Variants in SEMA3A observed in about 807,000 individuals in gnomAD.
SEMA3A encodes semaphorin-3A.
A neutral mutation model predicts 97.9 loss-of-function variants in SEMA3A; 29 were observed. The observed-to-expected ratio is 0.30, with a 90% CI of 0.22 to 0.40. The LOEUF (loss-of-function observed/expected upper bound fraction) is 0.40, where lower values mean the gene tolerates loss of function less well. Ranked by LOEUF, SEMA3A falls within the 10% of genes least tolerant of loss-of-function variation. The pLI, the probability that SEMA3A is intolerant of heterozygous loss-of-function variation, is 1.00. For missense variants in SEMA3A, 763 were observed against 951.3 expected (o/e 0.80, Z 2.60); for synonymous variants, 321 against 323.7 (o/e 0.99, Z 0.09).
At chr7:84,213,273 G>A (rs150513995) in intron 3 of SEMA3A, among the ~76,000 whole-genome samples, 10 of 152,120 alleles carry the variant, frequency 6.6e-5, no homozygotes, top group African/African-American at 1.9e-4. Flanking sequence ...CATGGTGCCC[G>A]GCCTGTTTCT....
intron 1 of SEMA3A, among the ~76,000 whole-genome samples, chr7:84,469,908 T>C (rs1178791608): frequency 6.6e-6 from 1 of 151,960 alleles, no homozygotes. Flanking sequence ...TCATGAAGAA[T>C]ATAAATGTTA....
At position 84,471,163 on chromosome 7, in the gene SEMA3A, G is replaced by A. The variant is rs147255226; in HGVS notation, c.-246+21297C>T. 5.1e-3 allele frequency among the ~76,000 whole-genome samples: 771 copies of A among 152,148 alleles called. 9 individuals are homozygous for A. The highest frequency in any genetic ancestry group is 4.6e-3 in the Non-Finnish European group (316 of 67,960). On this transcript the variant is annotated intron_variant, in intron 1 of 3. Transcript: ENST00000424555. ...ACTAAGTCATTTCCCCCCATCTTCT[G>A]TAATGTTTCTTTTCTGTCCTTGATC...
At chr7:84,201,518 G>A (rs1798357449) in intron 3 of SEMA3A, among the ~76,000 whole-genome samples, 1 of 152,000 alleles carries the variant, frequency 6.6e-6, no homozygotes, top group Admixed American at 6.6e-5. Flanking sequence ...GCCCCCCAAT[G>A]TGTAGAGTAG....
At chr7:83,985,395 C>A in intron 13 of SEMA3A, 41 bp downstream of exon 13, 1 of 1,441,174 alleles carries the variant, frequency 6.9e-7, no homozygotes, top group South Asian at 1.2e-5. Context: ...CCAGAATTAA[C>A]AAAATATTGG....
intron 4 of SEMA3A, among the ~76,000 whole-genome samples, chr7:84,065,606 G>T (rs1018208848): frequency 3.2e-4 from 48 of 150,652 alleles, no homozygotes; most frequent in Non-Finnish European, 5.8e-4. Flanking sequence ...TGATCCCACA[G>T]AAATACAAAC....
At chr7:84,145,304 T>C (rs1486821626) in intron 1 of SEMA3A, among the ~76,000 whole-genome samples, 6 of 152,162 alleles carry the variant, frequency 3.9e-5, no homozygotes, top group Admixed American at 1.3e-4. Flanking sequence ...AGAGTTAAAA[T>C]ATGCTGTCTT....
At chr7:84,035,094 T>C (rs1791893373) in intron 6 of SEMA3A, among the ~76,000 whole-genome samples, 1 of 152,024 alleles carries the variant, frequency 6.6e-6, no homozygotes, top group African/African-American at 2.4e-5. Context: ...AGATATTAAT[T>C]AGAATAAAAT....
At chr7:84,422,601 G>A (rs1804631873) in intron 1 of SEMA3A, among the ~76,000 whole-genome samples, 1 of 151,986 alleles carries the variant, frequency 6.6e-6, no homozygotes, top group Admixed American at 6.6e-5. Flanking sequence ...TTTTAATTGT[G>A]ATGTTAGGGT....
intron 2 of SEMA3A, among the ~76,000 whole-genome samples, chr7:84,367,221 A>G (rs1040260187): frequency 1.3e-5 from 2 of 151,254 alleles, no homozygotes; most frequent in South Asian, 2.1e-4. Context: ...GGAATTACCA[A>G]TTATGAATGT....
chr7:84,213,483 C>T (rs1389942326), intron 3 of SEMA3A, among the ~76,000 whole-genome samples: 1 of 152,144 alleles, frequency 6.6e-6, no homozygotes, highest in Non-Finnish European at 1.5e-5. Flanking sequence ...TGAGGTCTCA[C>T]TTTGCTGCCC....
intron 3 of SEMA3A, among the ~76,000 whole-genome samples, chr7:84,127,001 T>C (rs1483083252): frequency 6.6e-6 from 1 of 152,118 alleles, no homozygotes. Flanking sequence ...GTATAAAATT[T>C]GATAGAAGAA....
At chr7:84,068,670 A>G (rs1015780607) in intron 4 of SEMA3A, among the ~76,000 whole-genome samples, 6 of 152,094 alleles carry the variant, frequency 3.9e-5, no homozygotes, top group African/African-American at 7.2e-5. Flanking sequence ...CAGACGTGCT[A>G]TCTCCTCAAA....
rs572995120 is a variant in SEMA3A at position 84,254,334 on chromosome 7, A to AAAAAC, written c.-83+52868_-83+52872dup. Among the ~76,000 whole-genome samples the AAAAAC allele has an allele frequency of 2.1e-3, 319 of 152,316 alleles. 1 individual carries two copies. The highest frequency in any genetic ancestry group is 6.6e-3 in the African/African-American group (274 of 41,566). On this transcript the variant is annotated intron_variant, in intron 3 of 3. Coordinates refer to the SEMA3A transcript ENST00000424555. Reference sequence around the variant, plus strand: ...AGATAGCTGTTAGGTTTTGCATGGGAAAAACAAAACAAAACAAAACAAAAA... The same window carrying AAAAAC: ...AGATAGCTGTTAGGTTTTGCATGGGAAAAACAAAACAAAACAAAACAAAACAAAAA...
At chr7:83,980,584 A>G (rs1379543452) in intron 14 of SEMA3A, among the ~76,000 whole-genome samples, 1 of 132,256 alleles carries the variant, frequency 7.6e-6, no homozygotes, top group Non-Finnish European at 1.6e-5. Context: ...CAGCCTGGTG[A>G]CAGAGTGAGA....
intron 1 of SEMA3A, among the ~76,000 whole-genome samples, chr7:84,376,038 G>T (rs1210994961): frequency 6.6e-6 from 1 of 151,984 alleles, no homozygotes; most frequent in African/African-American, 2.4e-5. Context: ...TCTTTTTATG[G>T]CTGAATAACA....
Position 84,148,097 on chromosome 7 carries a change from T to C in SEMA3A, c.113-13146A>G, listed in dbSNP as rs562602488. On this transcript the variant is annotated intron_variant, in intron 1 of 16. Coordinates refer to ENST00000265362, the MANE Select transcript of SEMA3A (RefSeq NM_006080.3). The stretch of plus-strand genomic sequence containing the variant: ...GTTAATTTTTGTATTTTTTTTTTAG[T>C]AGCGACGGGGTTTTGCCATGTTGGC... Among the ~76,000 whole-genome samples, 1,007 of 152,060 alleles carry C rather than the reference T, an allele frequency of 6.6e-3. 13 individuals are homozygous for C. The highest frequency in any genetic ancestry group is 0.023 in the African/African-American group (946 of 41,436).
intron 3 of SEMA3A, among the ~76,000 whole-genome samples, chr7:84,300,705 A>T (rs1347874368): frequency 6.6e-6 from 1 of 152,152 alleles, no homozygotes; most frequent in Admixed American, 6.5e-5. Flanking sequence ...CAAAGTACAA[A>T]GATACTTGAC....
At chr7:84,094,385 T>C (rs550190069) in intron 4 of SEMA3A, among the ~76,000 whole-genome samples, 2 of 152,046 alleles carry the variant, frequency 1.3e-5, no homozygotes, top group Non-Finnish European at 2.9e-5. Flanking sequence ...TCTGCTTTCC[T>C]GAACTTAAAG....
At chr7:84,279,116 T>C (rs1260560329) in intron 3 of SEMA3A, among the ~76,000 whole-genome samples, 1 of 152,160 alleles carries the variant, frequency 6.6e-6, no homozygotes, top group African/African-American at 2.4e-5. Context: ...TAAATGGATA[T>C]AATGTGATTA....
Sources: allele counts gnomAD v4.1 joint callset (sites outside exome capture counted in the v4.1 genomes callset), GRCh38; gene constraint gnomAD v4.1.1; transcripts MANE v1.5; gene names NCBI Gene and HGNC (gene_info 2026-07-23, HGNC 2026-07-21).